The following CADM2 variants were observed in gnomAD, a reference collection of about 807,000 sequenced individuals.
The protein encoded by CADM2 is cell adhesion molecule 2.
In CADM2, 12 loss-of-function variants were observed where a neutral mutation model predicts 49.8. The observed-to-expected ratio is 0.24, with a 90% confidence interval of 0.15 to 0.39. CADM2 has a LOEUF of 0.39. Ranked by LOEUF, CADM2 falls within the 10% of genes least tolerant of loss-of-function variation. The probability of loss-of-function intolerance (pLI) is 1.00; values close to 1 mark genes in which losing one functional copy is unlikely to be tolerated. For synonymous variants in CADM2, 214 were observed against 175.4 expected, an observed-to-expected ratio of 1.22 and a Z score of -1.74; for missense variants, 378 against 492.3, an observed-to-expected ratio of 0.77 and a Z score of 2.20.
chr3:85,640,078 C>T (rs368045961), intron 1 of CADM2, among the ~76,000 whole-genome samples: 22 of 152,184 alleles, frequency 1.4e-4, no homozygotes, highest in East Asian at 7.7e-4. Flanking sequence ...TTTGAGAGGA[C>T]CTTGTTCCTC....
At chr3:85,676,695 A>C (rs937916637) in intron 1 of CADM2, among the ~76,000 whole-genome samples, 1 of 152,270 alleles carries the variant, frequency 6.6e-6, no homozygotes, top group Non-Finnish European at 1.5e-5. Flanking sequence ...CATTAAAAAA[A>C]CATGCGTAAT....
chr3:85,230,477 G>A (rs1576170553), intron 1 of CADM2, among the ~76,000 whole-genome samples: 2 of 152,132 alleles, frequency 1.3e-5, no homozygotes, highest in East Asian at 3.9e-4. Context: ...TTAGATTAGT[G>A]ATTTTACTTA....
intron 1 of CADM2, among the ~76,000 whole-genome samples, chr3:85,662,377 A>T (rs955645519): frequency 8.6e-5 from 13 of 151,974 alleles, no homozygotes; most frequent in African/African-American, 3.1e-4. Flanking sequence ...CTCCATTACT[A>T]ATAAGCACTA....
intron 3 of CADM2, among the ~76,000 whole-genome samples, chr3:85,840,729 A>G (rs2074604592): frequency 6.6e-6 from 1 of 151,936 alleles, no homozygotes; most frequent in Non-Finnish European, 1.5e-5. Context: ...AGTGGCCTAT[A>G]TCATAATTAA....
intron 1 of CADM2, among the ~76,000 whole-genome samples, chr3:85,223,955 A>G (rs940528460): frequency 2.0e-5 from 3 of 152,184 alleles, no homozygotes; most frequent in Admixed American, 6.6e-5. Context: ...ATGGCTGCAT[A>G]GTATTCCATT....
intron 1 of CADM2, among the ~76,000 whole-genome samples, chr3:85,172,581 C>T (rs1351725515): frequency 3.3e-5 from 5 of 151,944 alleles, no homozygotes; most frequent in East Asian, 1.9e-4. Context: ...ACCTGACAAG[C>T]GTAGGATGTG....
intron 8 of CADM2, among the ~76,000 whole-genome samples, chr3:85,972,260 T>A (rs1010436624): frequency 1.3e-5 from 2 of 151,708 alleles, no homozygotes; most frequent in Non-Finnish European, 2.9e-5. Flanking sequence ...TTGTTTCCAA[T>A]GTCAGTCAGT....
rs148818959 is a variant in CADM2 at position 85,425,560 on chromosome 3, T to C, written c.62-300962T>C. On this transcript the variant is annotated intron_variant, in intron 1 of 9. Coordinates refer to ENST00000383699, the MANE Select transcript of CADM2 (RefSeq NM_001167675.2). The stretch of plus-strand genomic sequence containing the variant: ...AAGTACACAATAAATTATTTTTAAA[T>C]ATATTCTCGCTATGGTGCTATTGAA... Among the ~76,000 whole-genome samples, 90 of 152,310 alleles carry C rather than the reference T, an allele frequency of 5.9e-4. No individual in the cohort carries two copies. The East Asian group carries it at 0.012, about 21-fold the overall frequency.
At chr3:85,250,717 C>T (rs943803294) in intron 1 of CADM2, among the ~76,000 whole-genome samples, 2 of 151,610 alleles carry the variant, frequency 1.3e-5, no homozygotes, top group Non-Finnish European at 3.0e-5. Flanking sequence ...TGTTATTGAT[C>T]AAAATCTAAG....
chr3:85,545,454 T>C (rs11127901), intron 1 of CADM2, among the ~76,000 whole-genome samples: 30,278 of 152,096 alleles, frequency 0.2, 3,793 homozygotes, highest in East Asian at 0.3. Context: ...GGTCAAATAG[T>C]TGGTAAGGGA....
chr3:85,724,510 A>G (rs1227106019), intron 1 of CADM2, among the ~76,000 whole-genome samples: 1 of 151,882 alleles, frequency 6.6e-6, no homozygotes, highest in African/African-American at 2.4e-5. Flanking sequence ...CCCAAACCAC[A>G]AACCTGTTGA....
chr3:85,763,595 G>A (rs2069504319), intron 2 of CADM2, among the ~76,000 whole-genome samples: 1 of 152,214 alleles, frequency 6.6e-6, no homozygotes, highest in African/African-American at 2.4e-5. Context: ...TAAGTGGGTT[G>A]GTGATGTGGC....
At chr3:85,575,764 A>G (rs2062614524) in intron 1 of CADM2, among the ~76,000 whole-genome samples, 1 of 152,184 alleles carries the variant, frequency 6.6e-6, no homozygotes, top group Non-Finnish European at 1.5e-5. Flanking sequence ...TGGGTGGGAA[A>G]AAGGAAGGGG....
intron 1 of CADM2, among the ~76,000 whole-genome samples, chr3:85,652,524 A>C (rs1424789945): frequency 6.6e-6 from 1 of 152,108 alleles, no homozygotes; most frequent in Non-Finnish European, 1.5e-5. Context: ...CACTTGTAGT[A>C]ATTTCTGGCA....
intron 1 of CADM2, among the ~76,000 whole-genome samples, chr3:85,181,648 GT>G (rs1476689386): frequency 2.0e-5 from 3 of 151,764 alleles, no homozygotes; most frequent in Non-Finnish European, 2.9e-5. Context: ...GCTCACTGAG[GT>G]TTCTACACAA....
At chr3:85,110,075 G>A (rs1000523725) in intron 1 of CADM2, among the ~76,000 whole-genome samples, 1 of 151,938 alleles carries the variant, frequency 6.6e-6, no homozygotes. Context: ...CATTGATGAG[G>A]ATATTTAATG....
Position 84,974,771 on chromosome 3 carries a change from T to C in CADM2, c.61+15103T>C, listed in dbSNP as rs868033414. 2.6e-5 allele frequency among the ~76,000 whole-genome samples: 4 copies of C among 152,002 alleles called. No individual in the cohort carries two copies. The South Asian group carries it at 8.3e-4, about 31-fold the overall frequency. ...CTAAGAAGCAAGATATATCACACTTTATTACTTACCTCATTTCTGTAACAT... is the reference window on the plus strand; with the variant it reads ...CTAAGAAGCAAGATATATCACACTTCATTACTTACCTCATTTCTGTAACAT... On this transcript the variant is annotated intron_variant, in intron 1 of 9. Transcript: ENST00000383699.
rs191558683 is a variant in CADM2, at chr3:85,086,371, C to T, written c.61+126703C>T. Among the ~76,000 whole-genome samples, 441 of 152,102 alleles carry T rather than the reference C, an allele frequency of 2.9e-3. 2 individuals carry two copies. Among genetic ancestry groups the T allele is most frequent in the African/African-American group, 0.01 (422 of 41,514 alleles). On this transcript the variant is annotated intron_variant, in intron 1 of 9. Coordinates refer to ENST00000383699, the MANE Select transcript of CADM2 (RefSeq NM_001167675.2). ...GAATGGATTCCATGCCTCTCCCTGT[C>T]TCCCACTTCAGTCTTTCCACAACTG...
In CADM2 at chr3:85,212,812, CTCTTTCTTTCTTTCTTTCTT is replaced by C. The variant is rs61255712; in HGVS notation, c.61+253200_61+253219del. 6.1e-3 allele frequency among the ~76,000 whole-genome samples: 629 copies of C among 102,638 alleles called. 8 individuals are homozygous for C. Among genetic ancestry groups the C allele is most frequent in the Middle Eastern group, 0.019 (3 of 154 alleles). The allele number at this position is 102,638 out of a possible 152,430, so 67.3% of individuals were successfully genotyped here. A position where few individuals can be genotyped will look rare whatever the true frequency, so the allele number is the denominator to read the frequency against. ...CTTCAGATATTTTCTTCTTTTTCTT[CTCTTTCTTTCTTTCTTTCTT>C]TCTTTCTTTCTTTCTTTCTTTCTTT... On this transcript the variant is annotated intron_variant, in intron 1 of 9. Transcript: ENST00000383699.
Sources: gnomAD v4.1 joint callset for allele counts (sites outside exome capture counted in the v4.1 genomes callset) on GRCh38, gnomAD v4.1.1 for gene constraint, MANE v1.5 for transcripts, NCBI Gene and HGNC (gene_info 2026-07-23, HGNC 2026-07-21) for gene names.